Variants in ARHGEF40 observed in about 807,000 individuals in gnomAD.
The protein encoded by ARHGEF40 is Rho guanine nucleotide exchange factor 40.
ARHGEF40 carries 98 observed loss-of-function variants against 165.9 expected under a neutral mutation model. The observed-to-expected ratio is 0.59, with a 90% CI of 0.50 to 0.70. ARHGEF40 has a LOEUF of 0.70. Among genes scored for constraint, ARHGEF40 ranks in the 30% least tolerant of loss-of-function variants. ARHGEF40 has a pLI of 0.00. For missense variants in ARHGEF40, 1,815 were observed against 1,968.0 expected (o/e 0.92, Z 1.47); for synonymous variants, 792 against 814.3 (o/e 0.97, Z 0.47).
Position 21,071,070 on chromosome 14 carries a change from C to T in ARHGEF40, c.3+671C>T, listed in dbSNP as rs569169177. 2.6e-5 allele frequency among the ~76,000 whole-genome samples: 4 copies of T among 152,232 alleles called. No individual in the cohort carries two copies. The South Asian group carries it at 8.3e-4, about 32-fold the overall frequency. ...CAGAGTTTGCGGAGGAGGAAAGTGC[C>T]CCAGAGCTCTTGCTGCAGGGAACTG... On this transcript the variant is annotated intron_variant, in intron 1 of 23. Transcript: ENST00000298694.
chr14:21,087,632 T>G (rs1225198988), intron 21 of ARHGEF40, 169 bp downstream of exon 21: 7 of 945,844 alleles, frequency 7.4e-6, no homozygotes, highest in Non-Finnish European at 1.1e-5. Context: ...GCTAGGGTGA[T>G]GCTTACAACA....
In ARHGEF40 at chr14:21,070,497, G is replaced by C. The variant is rs192490228; in HGVS notation, c.3+98G>C. On this transcript the variant is annotated intron_variant, in intron 1 of 23. Transcript: ENST00000298694. The surrounding 1 kb of genome is among the most constrained non-coding windows in gnomAD (Gnocchi z 4.7). ...GCCTGGTGCCTCCCGAGCCTGCCTC[G>C]GACTGTTCGGCCCCTCTGGGACTCT... The C allele has an allele frequency of 1.0e-5, 14 of 1,334,220 alleles. No individual in the cohort carries two copies. In the East Asian group the frequency reaches 3.4e-4, roughly 33 times the overall value. The allele number at this position is 1,334,220 out of a possible 1,614,324, so 82.6% of individuals were successfully genotyped here. A position where few individuals can be genotyped will look rare whatever the true frequency, so the allele number is the denominator to read the frequency against.
chr14:21,073,675 T>C lies in ARHGEF40; in HGVS notation c.202-257T>C, dbSNP rs561743180. Among the ~76,000 whole-genome samples, 3 of 152,172 alleles carry C rather than the reference T, an allele frequency of 2.0e-5. No homozygotes were observed. Among genetic ancestry groups the C allele is most frequent in the Non-Finnish European group, 4.4e-5 (3 of 68,030 alleles). ...GACAATGGCATCTGCTGACCATGTC[T>C]TGGTAACGATTCAGTTCTTACCCTC... On this transcript the variant is annotated intron_variant, in intron 2 of 23. Coordinates refer to ENST00000298694, the MANE Select transcript of ARHGEF40 (RefSeq NM_018071.5). This position sits in a 1 kb window ranked among gnomAD's most constrained non-coding sequence, Gnocchi z 4.6.
At chr14:21,063,135 G>T in the ARHGEF40 span, among the ~76,000 whole-genome samples, 4 of 151,688 alleles carry the variant, frequency 2.6e-5, no homozygotes, top group Admixed American at 6.6e-5. Context: ...GTCTCAAAAA[G>T]GAAACAAAAG....
intron 16 of ARHGEF40, 39 bp from the exon 17 acceptor site, chr14:21,083,796 C>G (rs1234726069): frequency 6.3e-7 from 1 of 1,584,314 alleles, no homozygotes; most frequent in African/African-American, 1.3e-5. Flanking sequence ...CCCAGAGGCT[C>G]CACCCCTCCC....
In ARHGEF40 at chr14:21,080,892, G is replaced by A. The variant is rs144370486; in HGVS notation, c.2516G>A (p.Arg839Gln). 6.0e-5 allele frequency: 97 copies of A among 1,613,908 alleles called. No homozygotes were observed. The highest frequency in any genetic ancestry group is 1.6e-4 in the Middle Eastern group (1 of 6,078). ...AEVQERLAQA[R>Q]EALALEENAT... ...CTCCAGGAGCGCCTGGCCCAGGCAC[G>A]GGAGGCCCTGGCTCTGGAGGAGAAT... is the stretch of plus-strand genomic sequence containing the variant. Residue 839 changes from arginine to glutamine, a missense_variant, in exon 13 of 24, where the codon CGG becomes CAG. Physicochemically the swap from Arg to Gln is conservative, Grantham distance 43. Transcript: ENST00000298694.
At position 21,087,122 on chromosome 14, in the gene ARHGEF40, TG is replaced by T. The variant is rs1888405324; in HGVS notation, c.4243+23del. The T allele has an allele frequency of 6.2e-7, 1 of 1,606,484 alleles. No homozygotes were observed. The highest frequency in any genetic ancestry group is 8.5e-7 in the Non-Finnish European group (1 of 1,175,934). ...CTGGAAGAGGTGAGGGCCAGGGTGC[TG>T]GGGGGTGGCCCCCAGGAGTGAAGAC... On this transcript the variant is annotated intron_variant, in intron 20 of 23. Transcript: ENST00000298694.
intron 1 of ARHGEF40, chr14:21,071,007 C>T: frequency 2.6e-6 from 2 of 762,322 alleles, no homozygotes; most frequent in South Asian, 1.7e-5. Flanking sequence ...TGGGGGGGAG[C>T]TCACAGTACC....
Position 21,070,318 on chromosome 14 carries a change from A to G in ARHGEF40, c.-79A>G. 3 of 1,382,848 alleles carry G rather than the reference A, an allele frequency of 2.2e-6. No individual in the cohort carries two copies. The highest frequency in any genetic ancestry group is 1.9e-6 in the Non-Finnish European group (2 of 1,069,656). 85.7% of individuals were successfully genotyped at this position (1,382,848 alleles called of 1,614,324 possible). ...GTCCCTTAGCCAGACCCGGCGAGAC[A>G]CGAGCGGCGGGAGGGAGGCGGTGGC... On this transcript the variant is annotated 5_prime_UTR_variant, in exon 1 of 24. Transcript: ENST00000298694. This position sits in a 1 kb window ranked among gnomAD's most constrained non-coding sequence, Gnocchi z 4.7.
At position 21,073,096 on chromosome 14, in the gene ARHGEF40, C is replaced by A; in HGVS notation, c.55C>A (p.Pro19Thr). The change falls in exon 2 of 24, where the codon CCA becomes ACA. Residue 19 changes from proline (P) to threonine (T), a missense_variant. Physicochemically the swap from Pro to Thr is conservative, Grantham distance 38. Coordinates refer to ENST00000298694, the MANE Select transcript of ARHGEF40 (RefSeq NM_018071.5). The surrounding 1 kb of genome is among the most constrained non-coding windows in gnomAD (Gnocchi z 4.6). ...GCAGAGCACTCTCGCCGCCCTGTAT[C>A]CACCCTTTGAGGCAACAGCCCCCAC... ...CVQSTLAALY[P>T]PFEATAPTLL... 6.2e-7 allele frequency: 1 copy of A among 1,614,158 alleles called. No individual in the cohort carries two copies. Among genetic ancestry groups the A allele is most frequent in the Non-Finnish European group, 8.5e-7 (1 of 1,180,020 alleles).
chr14:21,079,435 C>T (rs1887697956), intron 11 of ARHGEF40, among the ~76,000 whole-genome samples: 1 of 152,182 alleles, frequency 6.6e-6, no homozygotes, highest in South Asian at 2.1e-4. Context: ...GGAAAGGTCC[C>T]ACCTCCCTCT....
rs937616197 is a variant in ARHGEF40 at position 21,087,969 on chromosome 14, C to T, written c.4389C>T (p.Ala1463=). ...WDLDVKQISL[A]PETLDSSGDV... The stretch of plus-strand genomic sequence containing the variant: ...CTCTCACCCTAGCTTCCCCTTCAGC[C>T]CCAGAAACACTTGACTCTTCTGGAG... Residue 1463 remains alanine (A), a splice_region_variant and synonymous_variant, in exon 22 of 24, where the codon GCC becomes GCT. Coordinates refer to ENST00000298694, the MANE Select transcript of ARHGEF40 (RefSeq NM_018071.5). The T allele has an allele frequency of 7.4e-6, 12 of 1,613,856 alleles. No homozygotes were observed. The Admixed American group carries it at 1.2e-4, about 16-fold the overall frequency.
rs762406269 is a variant in ARHGEF40 at position 21,088,863 on chromosome 14, C to A, written c.4552C>A (p.Pro1518Thr). Residue 1518 changes from proline to threonine, a missense_variant, in exon 23 of 24, where the codon CCT becomes ACT. Physicochemically the swap from Pro to Thr is conservative, Grantham distance 38 (BLOSUM62 -1). Coordinates refer to ENST00000298694, the MANE Select transcript of ARHGEF40 (RefSeq NM_018071.5). ...HARALSDPTT[P>T]L ...TCGAGCCCTGAGTGACCCCACCACGCCTCTGTGACCTGGGTGAGTCAGCAT... is the reference window on the plus strand; with the variant it reads ...TCGAGCCCTGAGTGACCCCACCACGACTCTGTGACCTGGGTGAGTCAGCAT... 37 of 1,612,964 alleles carry A rather than the reference C, an allele frequency of 2.3e-5. No individual in the cohort carries two copies. The highest frequency in any genetic ancestry group is 2.7e-5 in the African/African-American group (2 of 74,870).
the ARHGEF40 span, among the ~76,000 whole-genome samples, chr14:21,063,224 G>A: frequency 2.0e-5 from 3 of 152,070 alleles, no homozygotes; most frequent in South Asian, 4.1e-4. Context: ...GTGTATGTGT[G>A]TGTGTGTATG....
the ARHGEF40 span, among the ~76,000 whole-genome samples, chr14:21,061,395 A>C: frequency 6.6e-6 from 1 of 152,168 alleles, no homozygotes; most frequent in African/African-American, 2.4e-5. Context: ...GGAGTTTCTG[A>C]CTTCCTTGTG....
In ARHGEF40 at chr14:21,090,121, T is replaced by C. The variant is rs755318002; in HGVS notation, c.*1113T>C. ...GTTTATTGGGGACACGACTCTGCAA[T>C]AGGGATGACAGGAATCGTACCAAAA... On this transcript the variant is annotated 3_prime_UTR_variant, in exon 24 of 24. Coordinates refer to ENST00000298694, the MANE Select transcript of ARHGEF40 (RefSeq NM_018071.5). This position sits in a 1 kb window ranked among gnomAD's most constrained non-coding sequence, Gnocchi z 4.4. 2 of 437,754 alleles carry C rather than the reference T, an allele frequency of 4.6e-6. No homozygotes were observed. Among genetic ancestry groups the C allele is most frequent in the Non-Finnish European group, 9.2e-6 (2 of 217,812 alleles). 27.1% of individuals were successfully genotyped at this position (437,754 alleles called of 1,614,324 possible). A position where few individuals can be genotyped will look rare whatever the true frequency, so the allele number is the denominator to read the frequency against.
upstream of ARHGEF40, among the ~76,000 whole-genome samples, chr14:21,067,783 CACTTTT>C (rs991907065): frequency 1.3e-3 from 194 of 151,744 alleles, no homozygotes; most frequent in African/African-American, 4.6e-3. Context: ...CACACACACA[CACTTTT>C]AGGTAAGAGC....
At chr14:21,081,190 C>A in intron 13 of ARHGEF40, 174 bp downstream of exon 13, 1 of 1,059,136 alleles carries the variant, frequency 9.4e-7, no homozygotes, top group Non-Finnish European at 1.3e-6. Flanking sequence ...GATACTAAAC[C>A]TGACTGTGCC....
At position 21,082,870 on chromosome 14, in the gene ARHGEF40, C is replaced by T. The variant is rs1299449422; in HGVS notation, c.3526C>T (p.Arg1176Ter). 5 of 1,614,076 alleles carry T rather than the reference C, an allele frequency of 3.1e-6. No homozygotes were observed. The highest frequency in any genetic ancestry group is 1.3e-5 in the African/African-American group (1 of 74,918). ...FSLYAQYVKH[R>*]HKLENGLAAL... ...CCTTTATGCACAGTACGTGAAGCAC[C>T]GACACAAACTGGAGAATGGTCTGGC... is the stretch of plus-strand genomic sequence containing the variant. Residue 1176 changes from arginine to a stop codon, truncating the protein, a stop_gained, in exon 16 of 24, where the codon CGA (arginine) becomes TGA (stop). Coordinates refer to ENST00000298694, the MANE Select transcript of ARHGEF40 (RefSeq NM_018071.5). LOFTEE classifies it high-confidence loss of function.
Sources: allele counts gnomAD v4.1 joint callset (sites outside exome capture counted in the v4.1 genomes callset), GRCh38; gene constraint gnomAD v4.1.1; non-coding constraint Gnocchi (gnomAD v3.1); transcripts MANE v1.5; gene names NCBI Gene and HGNC (gene_info 2026-07-23, HGNC 2026-07-21).